NRXN3: variants seen among roughly 807,000 people sequenced by gnomAD.
NRXN3 encodes the protein neurexin III.
Under a neutral mutation model 137.6 loss-of-function variants are expected in NRXN3, and 32 were observed. The observed-to-expected ratio is 0.23, with a 90% CI of 0.18 to 0.31. The LOEUF (loss-of-function observed/expected upper bound fraction) is 0.31, where lower values mean the gene tolerates loss of function less well. Among genes scored for constraint, NRXN3 ranks in the 10% least tolerant of loss-of-function variants. NRXN3 has a pLI of 1.00. For synonymous variants in NRXN3, 798 were observed against 784.5 expected (o/e 1.02, Z -0.29); for missense variants, 1,574 against 2,062.5 (o/e 0.76, Z 4.59).
intron 15 of NRXN3, among the ~76,000 whole-genome samples, chr14:79,084,492 T>G (rs568072793): frequency 1.3e-5 from 2 of 152,266 alleles, no homozygotes; most frequent in African/African-American, 4.8e-5. Context: ...AATAAAAAAG[T>G]ACTGTCACTC....
intron 4 of NRXN3, among the ~76,000 whole-genome samples, chr14:78,412,129 A>T (rs573750711): frequency 1.3e-5 from 2 of 152,206 alleles, no homozygotes; most frequent in African/African-American, 4.8e-5. Flanking sequence ...GCTCACTGAT[A>T]GACATTTCTT....
intron 4 of NRXN3, among the ~76,000 whole-genome samples, chr14:78,545,300 TG>T (rs2096627163): frequency 1.3e-5 from 2 of 152,194 alleles, no homozygotes; most frequent in South Asian, 4.1e-4. Context: ...TTTCAAATTT[TG>T]TTTCTTAATT....
At chr14:79,100,098 T>C (rs1329853252) in intron 15 of NRXN3, among the ~76,000 whole-genome samples, 3 of 152,228 alleles carry the variant, frequency 2.0e-5, no homozygotes, top group Admixed American at 2.0e-4. Context: ...CAGGGTATTT[T>C]ATTTCCTGCA....
At chr14:79,329,275 A>C (rs2091340913) in intron 15 of NRXN3, among the ~76,000 whole-genome samples, 1 of 152,178 alleles carries the variant, frequency 6.6e-6, no homozygotes, top group African/African-American at 2.4e-5. Context: ...AACAATGGGC[A>C]TGTGTATAGT....
chr14:79,219,070 G>C (rs150661043), intron 15 of NRXN3, among the ~76,000 whole-genome samples: 1 of 152,028 alleles, frequency 6.6e-6, no homozygotes, highest in African/African-American at 2.4e-5. Flanking sequence ...AAAAAATAAG[G>C]TCTATTTTTT....
intron 16 of NRXN3, among the ~76,000 whole-genome samples, chr14:79,564,988 G>A (rs2097533441): frequency 6.6e-6 from 1 of 152,186 alleles, no homozygotes; most frequent in East Asian, 1.9e-4. Flanking sequence ...TTAGGTGTGA[G>A]CATCATGACC....
chr14:79,177,321 C>A (rs1455597011), intron 15 of NRXN3, among the ~76,000 whole-genome samples: 3 of 152,128 alleles, frequency 2.0e-5, no homozygotes, highest in African/African-American at 4.8e-5. Context: ...AACAGACCCA[C>A]CCGCTCACTC....
At chr14:78,849,934 A>G (rs1169269194) in intron 10 of NRXN3, among the ~76,000 whole-genome samples, 2 of 152,192 alleles carry the variant, frequency 1.3e-5, no homozygotes, top group East Asian at 3.8e-4. Flanking sequence ...GATTTCATGG[A>G]GAACAGGAAC....
rs765213639 is a variant in NRXN3, at chr14:78,795,926, CCAG to C, written c.2045-7692_2045-7690del. 3.3e-5 allele frequency among the ~76,000 whole-genome samples: 5 copies of C among 152,286 alleles called. No individual in the cohort carries two copies. In the South Asian group the frequency reaches 1.0e-3, roughly 32 times the overall value. On this transcript the variant is annotated intron_variant, in intron 8 of 20. Transcript: ENST00000335750. ...GAGAGGTGTGATATTTAAACTGTAA[CCAG>C]CTGCCATCCGCTAGCTCACCCCTGC...
At chr14:78,240,090 A>G (rs1194690886) in intron 1 of NRXN3, among the ~76,000 whole-genome samples, 2 of 152,112 alleles carry the variant, frequency 1.3e-5, no homozygotes, top group Non-Finnish European at 1.5e-5. Context: ...TTGCCTGTTT[A>G]TTTCATGCTA....
chr14:78,637,899 A>G (rs985229149), intron 4 of NRXN3, among the ~76,000 whole-genome samples: 2 of 152,264 alleles, frequency 1.3e-5, no homozygotes, highest in Non-Finnish European at 2.9e-5. Context: ...TACCTGGTGC[A>G]TAGTAGGCAC....
intron 16 of NRXN3, among the ~76,000 whole-genome samples, chr14:79,497,258 G>A (rs985344704): frequency 6.6e-6 from 1 of 152,128 alleles, no homozygotes; most frequent in African/African-American, 2.4e-5. Context: ...TCACTCCTTT[G>A]TTCGTGAACA....
chr14:79,565,152 G>A (rs986689327), intron 16 of NRXN3, among the ~76,000 whole-genome samples: 1 of 151,192 alleles, frequency 6.6e-6, no homozygotes, highest in Non-Finnish European at 1.5e-5. Flanking sequence ...TTATAAATGG[G>A]TGTTGGTTGT....
In NRXN3 at chr14:78,911,390, C is replaced by G. The variant is rs979451566; in HGVS notation, c.2276-45852C>G. Among the ~76,000 whole-genome samples the G allele has an allele frequency of 5.3e-5, 8 of 152,078 alleles. No homozygotes were observed. In the South Asian group the frequency reaches 8.3e-4, roughly 16 times the overall value. ...GTGATGTTTTGTCTGTATCTATATA[C>G]AAGTCATGATAAGATGCCTCATAAT... On this transcript the variant is annotated intron_variant, in intron 10 of 20. Transcript: ENST00000335750.
intron 15 of NRXN3, among the ~76,000 whole-genome samples, chr14:79,388,798 C>A (rs1224029890): frequency 6.6e-6 from 1 of 152,094 alleles, no homozygotes; most frequent in East Asian, 1.9e-4. Flanking sequence ...AATTGTAGCT[C>A]CCATAATGCC....
chr14:78,238,648 T>C, intron 1 of NRXN3, among the ~76,000 whole-genome samples: 1 of 152,258 alleles, frequency 6.6e-6, no homozygotes, highest in East Asian at 1.9e-4. Context: ...GGAAAGAATG[T>C]GGATAGACCA....
At chr14:79,684,302 G>C (rs945259713) in intron 17 of NRXN3, among the ~76,000 whole-genome samples, 3 of 151,918 alleles carry the variant, frequency 2.0e-5, no homozygotes, top group Non-Finnish European at 4.4e-5. Flanking sequence ...CTAGAAACTG[G>C]CTTGAGTTTT....
chr14:79,196,771 T>C (rs1198885547), intron 15 of NRXN3, among the ~76,000 whole-genome samples: 1 of 152,228 alleles, frequency 6.6e-6, no homozygotes, highest in Non-Finnish European at 1.5e-5. Context: ...CAGAGGTATA[T>C]TGTGCAGCTC....
chr14:78,553,499 G>A (rs1566729957), intron 4 of NRXN3, among the ~76,000 whole-genome samples: 1 of 152,062 alleles, frequency 6.6e-6, no homozygotes, highest in South Asian at 2.1e-4. Flanking sequence ...CCTGCCAATG[G>A]GGCACTCTAG....
Sources: gnomAD v4.1 joint callset for allele counts (sites outside exome capture counted in the v4.1 genomes callset) on GRCh38, gnomAD v4.1.1 for gene constraint, MANE v1.5 for transcripts, NCBI Gene and HGNC (gene_info 2026-07-23, HGNC 2026-07-21) for gene names.